PPP2R2C: variants seen among roughly 807,000 people sequenced by gnomAD.
The protein encoded by PPP2R2C is protein phosphatase 2 regulatory subunit Bgamma.
In PPP2R2C, 10 loss-of-function variants were observed where a neutral mutation model predicts 45.3. The ratio of observed to expected loss-of-function variants is 0.22; its 90% confidence interval spans 0.14 to 0.37. The LOEUF (loss-of-function observed/expected upper bound fraction) is 0.37. Ranked by LOEUF, PPP2R2C falls within the 10% of genes least tolerant of loss-of-function variation. The probability of loss-of-function intolerance (pLI) is 1.00; values close to 1 mark genes in which losing one functional copy is unlikely to be tolerated. For missense variants in PPP2R2C, 308 were observed against 619.7 expected, an observed-to-expected ratio of 0.50 and a Z score of 5.34; for synonymous variants, 257 against 245.4, an observed-to-expected ratio of 1.05 and a Z score of -0.44.
intron 2 of PPP2R2C, among the ~76,000 whole-genome samples, chr4:6,504,768 A>T (rs1349916010): frequency 6.6e-6 from 1 of 152,206 alleles, no homozygotes; most frequent in Non-Finnish European, 1.5e-5. Flanking sequence ...AAAACAGAGG[A>T]GGGAAGTTAA....
At chr4:6,473,795 T>G (rs528784372), upstream of PPP2R2C, among the ~76,000 whole-genome samples, 1 of 152,192 alleles carries the variant, frequency 6.6e-6, no homozygotes. Flanking sequence ...TGATGCCGTC[T>G]CAGATTTCTT....
At chr4:6,544,783 T>C (rs752844583) in intron 1 of PPP2R2C, among the ~76,000 whole-genome samples, 1 of 152,212 alleles carries the variant, frequency 6.6e-6, no homozygotes, top group Non-Finnish European at 1.5e-5. Context: ...GCTCTGCAAC[T>C]GTGGATGCCC....
intron 1 of PPP2R2C, among the ~76,000 whole-genome samples, chr4:6,407,003 C>G (rs1717841223): frequency 6.6e-6 from 1 of 151,968 alleles, no homozygotes; most frequent in African/African-American, 2.4e-5. Context: ...ATGTAAAAAC[C>G]GAAGCAGAAC....
chr4:6,415,673 AC>A (rs1718529149), intron 1 of PPP2R2C, among the ~76,000 whole-genome samples: 1 of 152,106 alleles, frequency 6.6e-6, no homozygotes, highest in Non-Finnish European at 1.5e-5. Context: ...CTGACATTCA[AC>A]CCTGAATCCT....
At chr4:6,409,026 A>G (rs1222680184) in intron 1 of PPP2R2C, among the ~76,000 whole-genome samples, 1 of 152,130 alleles carries the variant, frequency 6.6e-6, no homozygotes, top group Admixed American at 6.5e-5. Context: ...AAACAGCTAG[A>G]GTGAAAGCAC....
chr4:6,560,464 C>G (rs1725538799), intron 1 of PPP2R2C, among the ~76,000 whole-genome samples: 1 of 152,214 alleles, frequency 6.6e-6, no homozygotes, highest in Non-Finnish European at 1.5e-5. Flanking sequence ...CCACTAACAG[C>G]TGTGGGACCT....
At chr4:6,413,806 G>C in intron 1 of PPP2R2C, 7 of 1,458,426 alleles carry the variant, frequency 4.8e-6, no homozygotes, top group Non-Finnish European at 6.5e-6. Flanking sequence ...AAAGGCCACA[G>C]CTAGCAGAGG....
chr4:6,418,009 G>A (rs141571619), intron 1 of PPP2R2C, among the ~76,000 whole-genome samples: 320 of 152,272 alleles, frequency 2.1e-3, no homozygotes, highest in Middle Eastern at 0.01. Context: ...GGAAGGGAAG[G>A]AGGGGGTGGG....
intron 5 of PPP2R2C, chr4:6,349,305 C>A (rs923410646): frequency 1.0e-6 from 1 of 984,848 alleles, no homozygotes; most frequent in Non-Finnish European, 1.2e-6. Flanking sequence ...GCTCTGTCAC[C>A]TCCTGGCTGT....
intron 2 of PPP2R2C, among the ~76,000 whole-genome samples, chr4:6,488,406 A>C (rs1393358843): frequency 6.6e-6 from 1 of 152,212 alleles, no homozygotes; most frequent in African/African-American, 2.4e-5. Context: ...GATCCTGGCC[A>C]GGCATGGAGA....
intron 2 of PPP2R2C, among the ~76,000 whole-genome samples, chr4:6,526,286 T>C (rs1258525148): frequency 6.6e-6 from 1 of 152,256 alleles, no homozygotes; most frequent in Non-Finnish European, 1.5e-5. Context: ...ATTCCCTTCC[T>C]GGAAATGCCT....
At chr4:6,484,522 A>G (rs1722470013) in intron 2 of PPP2R2C, among the ~76,000 whole-genome samples, 1 of 151,696 alleles carries the variant, frequency 6.6e-6, no homozygotes, top group South Asian at 2.1e-4. Flanking sequence ...TTAAAAAAAA[A>G]AAACCTGTTC....
chr4:6,423,865 T>C (rs1041793537), intron 1 of PPP2R2C, among the ~76,000 whole-genome samples: 7 of 152,178 alleles, frequency 4.6e-5, no homozygotes, highest in African/African-American at 1.7e-4. Context: ...AGTGCCCTTG[T>C]GTGTTTTAAG....
intron 1 of PPP2R2C, among the ~76,000 whole-genome samples, chr4:6,545,709 G>C (rs1362206529): frequency 6.6e-6 from 1 of 152,210 alleles, no homozygotes; most frequent in Non-Finnish European, 1.5e-5. Flanking sequence ...TTCCCTGCCT[G>C]ACTCTTGTTA....
At chr4:6,410,494 C>T (rs931861219) in intron 1 of PPP2R2C, among the ~76,000 whole-genome samples, 7 of 152,006 alleles carry the variant, frequency 4.6e-5, no homozygotes, top group Non-Finnish European at 7.4e-5. Context: ...GATTTCAGTT[C>T]GGATTTAGGT....
intron 5 of PPP2R2C, among the ~76,000 whole-genome samples, chr4:6,363,395 G>A (rs1223226867): frequency 3.3e-5 from 5 of 152,044 alleles, no homozygotes; most frequent in African/African-American, 7.2e-5. Context: ...TGGCTAACAC[G>A]GTGAAACCCC....
chr4:6,354,408 G>T (rs1712948236), intron 5 of PPP2R2C, among the ~76,000 whole-genome samples: 1 of 152,072 alleles, frequency 6.6e-6, no homozygotes, highest in African/African-American at 2.4e-5. Flanking sequence ...TCATCCTCAG[G>T]ACCATTGTGC....
chr4:6,383,361 A>G (rs1385052735), intron 1 of PPP2R2C: 87 of 1,289,634 alleles, frequency 6.7e-5, no homozygotes, highest in Non-Finnish European at 8.8e-5. Flanking sequence ...TTACTGTTGT[A>G]TGCACGGGGT....
chr4:6,376,297 G>A (rs1715295576), intron 3 of PPP2R2C, among the ~76,000 whole-genome samples: 1 of 152,202 alleles, frequency 6.6e-6, no homozygotes, highest in Non-Finnish European at 1.5e-5. Context: ...GAGAACTGGG[G>A]TCAGTGGAGC....
Sources: gnomAD v4.1 joint callset for allele counts (sites outside exome capture counted in the v4.1 genomes callset) on GRCh38, gnomAD v4.1.1 for gene constraint, MANE v1.5 for transcripts, NCBI Gene and HGNC (gene_info 2026-07-23, HGNC 2026-07-21) for gene names.